Variants in SLC25A16 observed in about 807,000 individuals in gnomAD.
SLC25A16 encodes the protein mitochondrial coenzyme A transporter SLC25A16.
SLC25A16 carries 39 observed loss-of-function variants against 41.5 expected under a neutral mutation model. That is an observed-to-expected ratio of 0.94 (90% CI 0.73 to 1.23). The LOEUF (loss-of-function observed/expected upper bound fraction) is 1.23. Ranked by LOEUF, SLC25A16 falls within the 50% of genes most tolerant of loss-of-function variation. The pLI, the probability that SLC25A16 is intolerant of heterozygous loss-of-function variation, is 0.00. For missense variants in SLC25A16, 421 were observed against 426.9 expected (o/e 0.99, Z 0.12); for synonymous variants, 146 against 147.8 (o/e 0.99, Z 0.09).
chr10:68,492,481 C>T (rs1445200219), intron 6 of SLC25A16, among the ~76,000 whole-genome samples: 2 of 151,494 alleles, frequency 1.3e-5, no homozygotes, highest in African/African-American at 4.8e-5. Flanking sequence ...AAAAAAAAAA[C>T]AGGACTGCTG....
intron 2 of SLC25A16, among the ~76,000 whole-genome samples, chr10:68,510,563 G>A (rs972728489): frequency 6.6e-5 from 10 of 151,732 alleles, no homozygotes; most frequent in African/African-American, 1.5e-4. Context: ...AAAATGGGCC[G>A]GGCGCGGTGG....
intron 4 of SLC25A16, among the ~76,000 whole-genome samples, chr10:68,502,130 G>GCTGAGATT (rs1359745289): frequency 7.4e-5 from 1 of 13,512 alleles, no homozygotes; most frequent in Non-Finnish European, 3.9e-4. Context: ...GGGAGGCAGA[G>GCTGAGATT]GTTGCAGTGA....
At position 68,506,587 on chromosome 10, in the gene SLC25A16, T is replaced by C; in HGVS notation, c.355A>G (p.Thr119Ala). The C allele has an allele frequency of 1.3e-6, 2 of 1,575,780 alleles. No homozygotes were observed. Among genetic ancestry groups the C allele is most frequent in the East Asian group, 2.3e-5 (1 of 42,722 alleles). The change falls in exon 3 of 9, where the codon ACG becomes GCG. Residue 119 changes from threonine to alanine, a missense_variant and splice_region_variant. By Grantham distance (58) the Thr-to-Ala change is moderately conservative. Coordinates refer to ENST00000609923, the MANE Select transcript of SLC25A16 (RefSeq NM_152707.4). ...AGAAAAGATCAAAGTTTAACTACCGTTTTATAATGCTCAAATGCCATAAAC... is the reference window on the plus strand; with the variant it reads ...AGAAAAGATCAAAGTTTAACTACCGCTTTATAATGCTCAAATGCCATAAAC... ...IQFMAFEHYK[T>A]LITTKLGISG...
At position 68,491,198 on chromosome 10, in the gene SLC25A16, T is replaced by C. The variant is rs115205551; in HGVS notation, c.610+1934A>G. ...CTGGCCACACCACATTTTAGTTTGC[T>C]ATTAGTGCACTGTTTTTTTGTTGTT... On this transcript the variant is annotated intron_variant, in intron 6 of 8. Transcript: ENST00000609923. Among the ~76,000 whole-genome samples, 1,028 of 151,680 alleles carry C rather than the reference T, an allele frequency of 6.8e-3. 18 individuals are homozygous for C. The highest frequency in any genetic ancestry group is 0.024 in the African/African-American group (989 of 41,444).
At position 68,479,571 on chromosome 10, in the gene SLC25A16, C is replaced by CGGGG. The variant is rs75719647; in HGVS notation, c.*3857_*3860dup. ...CAGTAGTCCCAGCATTTTGGGAAGT[C>CGGGG]GGGGGGGCAGATCACTTGAGGTCAG... On this transcript the variant is annotated 3_prime_UTR_variant, in exon 9 of 9. Transcript: ENST00000609923. 3 of 151,074 alleles carry CGGGG rather than the reference C, an allele frequency of 2.0e-5. No individual in the cohort carries two copies. Among genetic ancestry groups the CGGGG allele is most frequent in the African/African-American group, 7.4e-5 (3 of 40,580 alleles). The allele number at this position is 151,074 out of a possible 1,614,324, so 9.4% of individuals were successfully genotyped here. A position where few individuals can be genotyped will look rare whatever the true frequency, so the allele number is the denominator to read the frequency against.
intron 4 of SLC25A16, among the ~76,000 whole-genome samples, chr10:68,495,050 G>C (rs2052727195): frequency 6.6e-6 from 1 of 152,076 alleles, no homozygotes; most frequent in Non-Finnish European, 1.5e-5. Flanking sequence ...GGGAGGCTGA[G>C]GTGAACAGAT....
At chr10:68,519,231 G>A (rs151068478) in intron 1 of SLC25A16, among the ~76,000 whole-genome samples, 2,869 of 152,160 alleles carry the variant, frequency 0.019, 38 homozygotes, top group South Asian at 0.03. Context: ...GCTCATGCCT[G>A]TAATCCCAGC....
At chr10:68,518,785 TAAAA>T (rs1486194851) in intron 1 of SLC25A16, among the ~76,000 whole-genome samples, 2 of 136,998 alleles carry the variant, frequency 1.5e-5, no homozygotes, top group Non-Finnish European at 1.5e-5. Context: ...AAAAAACAAA[TAAAA>T]TAAATAAATA....
At chr10:68,514,490 C>T (rs2053125314) in intron 2 of SLC25A16, among the ~76,000 whole-genome samples, 1 of 152,110 alleles carries the variant, frequency 6.6e-6, no homozygotes, top group African/African-American at 2.4e-5. Flanking sequence ...AGTGAAACTC[C>T]ATCTCAAAAA....
At position 68,483,318 on chromosome 10, in the gene SLC25A16, G is replaced by A; in HGVS notation, c.*114C>T. 1 of 651,262 alleles carries A rather than the reference G, an allele frequency of 1.5e-6. No homozygotes were observed. The highest frequency in any genetic ancestry group is 2.5e-6 in the Non-Finnish European group (1 of 393,748). 40.3% of individuals were successfully genotyped at this position (651,262 alleles called of 1,614,324 possible). On this transcript the variant is annotated 3_prime_UTR_variant, in exon 9 of 9. Coordinates refer to ENST00000609923, the MANE Select transcript of SLC25A16 (RefSeq NM_152707.4). ...AATAATCAAGTACTAAAATACCAGT[G>A]GCTCTTGTGACAGGGTAAATATCCC...
intron 1 of SLC25A16, among the ~76,000 whole-genome samples, chr10:68,521,787 C>T (rs919146717): frequency 6.6e-6 from 1 of 150,870 alleles, no homozygotes; most frequent in East Asian, 2.0e-4. Context: ...TTAGTAGAGA[C>T]GGGGTTTCAC....
chr10:68,511,366 G>A (rs2053060148), intron 2 of SLC25A16, among the ~76,000 whole-genome samples: 1 of 152,126 alleles, frequency 6.6e-6, no homozygotes, highest in Admixed American at 6.6e-5. Flanking sequence ...TGCACTCCAG[G>A]AATTCTACTC....
chr10:68,496,643 C>A, intron 4 of SLC25A16: 1 of 980,690 alleles, frequency 1.0e-6, no homozygotes, highest in Non-Finnish European at 1.2e-6. Flanking sequence ...CAAAGTCAGA[C>A]TTTTTTCTCT....
At chr10:68,505,239 C>T (rs12358895) in intron 3 of SLC25A16, among the ~76,000 whole-genome samples, 5,627 of 152,080 alleles carry the variant, frequency 0.037, 118 homozygotes, top group Middle Eastern at 0.058. Flanking sequence ...GTGCCAGTTA[C>T]TCAGGAGGCT....
chr10:68,519,975 CT>C (rs368687197), intron 1 of SLC25A16, among the ~76,000 whole-genome samples: 21,109 of 101,740 alleles, frequency 0.21, 1,913 homozygotes, highest in African/African-American at 0.33. Context: ...ATAATAGTAT[CT>C]TTTTTTTTTT....
intron 4 of SLC25A16, chr10:68,499,796 A>C: frequency 2.3e-6 from 1 of 436,042 alleles, no homozygotes; most frequent in Non-Finnish European, 4.4e-6. Flanking sequence ...GCAGTGGGAA[A>C]AGGCTAATGG....
At position 68,486,233 on chromosome 10, in the gene SLC25A16, A is replaced by AC. The variant is rs1204749678; in HGVS notation, c.842+910_842+911insG. On this transcript the variant is annotated intron_variant, in intron 8 of 8. Coordinates refer to ENST00000609923, the MANE Select transcript of SLC25A16 (RefSeq NM_152707.4). ...GACTTTGTCTCAAAAAAACAAAACA[A>AC]AAAAAAAAAAAAAACACAACCTCTA... 3.0e-5 allele frequency among the ~76,000 whole-genome samples: 4 copies of AC among 133,160 alleles called. No homozygotes were observed. The East Asian group carries it at 8.5e-4, about 28-fold the overall frequency. The allele number at this position is 133,160 out of a possible 152,430, so 87.4% of individuals were successfully genotyped here.
Position 68,524,254 on chromosome 10 carries a change from G to C in SLC25A16, c.130+2992C>G, listed in dbSNP as rs1350997595. 1.1e-4 allele frequency among the ~76,000 whole-genome samples: 15 copies of C among 139,118 alleles called. No individual in the cohort carries two copies. In the Admixed American group the frequency reaches 1.2e-3, roughly 11 times the overall value. The allele number at this position is 139,118 out of a possible 152,430, so 91.3% of individuals were successfully genotyped here. ...GAACCCGGGAGGCAGAGATGAGATTGCAGTGAGCCGAGAGCACGCCACTGC... is the reference window on the plus strand; with the variant it reads ...GAACCCGGGAGGCAGAGATGAGATTCCAGTGAGCCGAGAGCACGCCACTGC... On this transcript the variant is annotated intron_variant, in intron 1 of 8. Coordinates refer to ENST00000609923, the MANE Select transcript of SLC25A16 (RefSeq NM_152707.4).
At chr10:68,510,107 AAG>A (rs1455272062) in intron 2 of SLC25A16, among the ~76,000 whole-genome samples, 1 of 152,056 alleles carries the variant, frequency 6.6e-6, no homozygotes, top group East Asian at 1.9e-4. Flanking sequence ...AATAAAAGAC[AAG>A]TAAAATAAAA....
Sources: allele counts gnomAD v4.1 joint callset (sites outside exome capture counted in the v4.1 genomes callset), GRCh38; gene constraint gnomAD v4.1.1; transcripts MANE v1.5; gene names NCBI Gene and HGNC (gene_info 2026-07-23, HGNC 2026-07-21).